Variants in ERP44 observed in about 807,000 individuals in gnomAD.
ERP44 encodes the protein endoplasmic reticulum resident protein 44.
Under a neutral mutation model 53.4 loss-of-function variants are expected in ERP44, and 25 were observed. That is an observed-to-expected ratio of 0.47 (90% CI 0.34 to 0.65). ERP44 has a LOEUF of 0.65. ERP44 is among the 30% of genes least tolerant of loss of function. The pLI is 0.01. For missense variants in ERP44, 338 were observed against 493.2 expected (o/e 0.69, Z 2.98); for synonymous variants, 145 against 161.2 (o/e 0.90, Z 0.76).
At chr9:100,039,307 G>A (rs896868482) in intron 4 of ERP44, among the ~76,000 whole-genome samples, 11 of 151,960 alleles carry the variant, frequency 7.2e-5, no homozygotes, top group Admixed American at 5.2e-4. Flanking sequence ...GTCTTAAAAC[G>A]TTCAAAAAAA....
chr9:99,996,094 T>C (rs756921084), intron 10 of ERP44, among the ~76,000 whole-genome samples: 6 of 152,276 alleles, frequency 3.9e-5, no homozygotes, highest in Non-Finnish European at 7.4e-5. Context: ...TATGGTTGGT[T>C]TGTCTCCACC....
At chr9:99,998,289 G>T in intron 10 of ERP44, 1 of 409,978 alleles carries the variant, frequency 2.4e-6, no homozygotes, top group Non-Finnish European at 4.6e-6. Flanking sequence ...GAGGGCTGGT[G>T]CACGCAGTGA....
intron 10 of ERP44, among the ~76,000 whole-genome samples, chr9:100,003,734 T>A (rs985243554): frequency 2.0e-5 from 3 of 150,452 alleles, no homozygotes; most frequent in Non-Finnish European, 3.0e-5. Flanking sequence ...TGAGCCTGAG[T>A]CTGCAGGGGC....
chr9:100,087,508 T>C (rs995671705), intron 1 of ERP44, among the ~76,000 whole-genome samples: 1 of 152,188 alleles, frequency 6.6e-6, no homozygotes, highest in African/African-American at 2.4e-5. Flanking sequence ...TGAACACCTA[T>C]TATGTGGCAA....
chr9:99,991,988 A>G (rs577477306), intron 10 of ERP44, among the ~76,000 whole-genome samples: 1 of 152,328 alleles, frequency 6.6e-6, no homozygotes, highest in East Asian at 1.9e-4. Context: ...ATCCCTGAAT[A>G]GACCAATAAC....
At chr9:100,036,304 T>C (rs1825848180) in intron 4 of ERP44, among the ~76,000 whole-genome samples, 2 of 152,252 alleles carry the variant, frequency 1.3e-5, no homozygotes, top group Non-Finnish European at 2.9e-5. Context: ...TGGTACACTA[T>C]GCAGCCACAT....
intron 3 of ERP44, among the ~76,000 whole-genome samples, chr9:100,054,275 A>AC (rs1319546089): frequency 2.6e-5 from 4 of 152,206 alleles, no homozygotes; most frequent in African/African-American, 2.4e-5. Flanking sequence ...AGCGGCTAGG[A>AC]CCGCAGGTTT....
chr9:100,018,258 C>G lies in ERP44; in HGVS notation c.643G>C (p.Gly215Arg). 1 of 1,591,610 alleles carries G rather than the reference C, an allele frequency of 6.3e-7. No homozygotes were observed. Among genetic ancestry groups the G allele is most frequent in the Non-Finnish European group, 8.6e-7 (1 of 1,159,766 alleles). Residue 215 changes from glycine (G) to arginine (R), a missense_variant and splice_region_variant, in exon 7 of 12, where the codon GGG becomes CGG. By Grantham distance (125) the Gly-to-Arg change is moderately radical (BLOSUM62 -2). Coordinates refer to ENST00000262455, the MANE Select transcript of ERP44 (RefSeq NM_015051.3). The stretch of plus-strand genomic sequence containing the variant: ...AACATTAAGAAATAGCAACTTACCC[C>G]TGGTGGTTTGTAGATTATGTTGTCG... The part of the protein sequence containing the change: ...SGDNIIYKPP[G>R]HSAPDMVYLG...
chr9:100,035,532 C>T (rs938599822), intron 4 of ERP44, among the ~76,000 whole-genome samples: 5 of 151,808 alleles, frequency 3.3e-5, no homozygotes, highest in Admixed American at 2.0e-4. Context: ...AAAATTAGCC[C>T]GGCATGGTGG....
At chr9:100,008,130 T>A (rs893723085) in intron 8 of ERP44, among the ~76,000 whole-genome samples, 1 of 152,170 alleles carries the variant, frequency 6.6e-6, no homozygotes, top group African/African-American at 2.4e-5. Flanking sequence ...TAAATCTGAT[T>A]TGCAAAATTT....
chr9:100,045,325 A>G (rs1825953784), intron 4 of ERP44, among the ~76,000 whole-genome samples: 1 of 152,150 alleles, frequency 6.6e-6, no homozygotes, highest in Non-Finnish European at 1.5e-5. Context: ...TGTAGCATTC[A>G]ATACCTTCCC....
intron 4 of ERP44, among the ~76,000 whole-genome samples, chr9:100,051,545 A>C (rs1055422102): frequency 8.5e-5 from 13 of 152,202 alleles, no homozygotes; most frequent in South Asian, 2.1e-4. Flanking sequence ...TGCTTGAGAC[A>C]CAGAGATTAA....
intron 4 of ERP44, among the ~76,000 whole-genome samples, chr9:100,023,507 C>A (rs566390534): frequency 6.6e-6 from 1 of 150,982 alleles, no homozygotes; most frequent in Non-Finnish European, 1.5e-5. Context: ...CAGCTCACCA[C>A]GGCCTTAACT....
chr9:100,069,436 A>T (rs1042790045), intron 1 of ERP44, among the ~76,000 whole-genome samples: 1 of 152,172 alleles, frequency 6.6e-6, no homozygotes, highest in Non-Finnish European at 1.5e-5. Flanking sequence ...ACTTTCAGAC[A>T]TTAATAATTA....
chr9:100,084,783 C>A (rs536966589), intron 1 of ERP44, among the ~76,000 whole-genome samples: 2 of 152,292 alleles, frequency 1.3e-5, no homozygotes, highest in African/African-American at 2.4e-5. Flanking sequence ...ATGGATAAAG[C>A]TCCCTGCTTA....
chr9:100,030,292 T>C (rs1587968429), intron 4 of ERP44, among the ~76,000 whole-genome samples: 1 of 152,002 alleles, frequency 6.6e-6, no homozygotes, highest in East Asian at 1.9e-4. Context: ...TCTGGTAATA[T>C]CCTCCTGGTG....
At chr9:99,990,308 C>T (rs1043330303) in intron 10 of ERP44, among the ~76,000 whole-genome samples, 2 of 152,170 alleles carry the variant, frequency 1.3e-5, no homozygotes, top group East Asian at 3.8e-4. Context: ...AGACTAACAG[C>T]GGATATCTCG....
At chr9:100,075,205 G>C (rs762760156) in intron 1 of ERP44, among the ~76,000 whole-genome samples, 2 of 152,246 alleles carry the variant, frequency 1.3e-5, no homozygotes, top group Non-Finnish European at 2.9e-5. Flanking sequence ...GAGAATGACA[G>C]AGGATTATCG....
At chr9:100,024,152 T>TCAACAACAACAA (rs35674225) in intron 4 of ERP44, among the ~76,000 whole-genome samples, 72 of 149,444 alleles carry the variant, frequency 4.8e-4, no homozygotes, top group African/African-American at 1.2e-3. Context: ...AAACCCTGAC[T>TCAACAACAACAA]CAACAACAAC....
Sources: allele counts gnomAD v4.1 joint callset (sites outside exome capture counted in the v4.1 genomes callset), GRCh38; gene constraint gnomAD v4.1.1; transcripts MANE v1.5; gene names NCBI Gene and HGNC (gene_info 2026-07-23, HGNC 2026-07-21).